Variants in PELI1 observed in about 807,000 individuals in gnomAD.
PELI1 encodes the protein pellino E3 ubiquitin protein ligase 1.
A neutral mutation model predicts 41.3 loss-of-function variants in PELI1; 15 were observed. The observed-to-expected ratio is 0.36, with a 90% confidence interval of 0.24 to 0.56. The LOEUF is 0.56. Among genes scored for constraint, PELI1 ranks in the 20% least tolerant of loss-of-function variants. PELI1 has a pLI of 0.82. For missense variants in PELI1, 403 were observed against 525.5 expected, an observed-to-expected ratio of 0.77 and a Z score of 2.28; for synonymous variants, 178 against 180.1, an observed-to-expected ratio of 0.99 and a Z score of 0.09.
rs545908881 is a variant in PELI1 at position 64,104,512 on chromosome 2, T to A, written c.201+189A>T. The A allele has an allele frequency of 6.7e-5, 55 of 826,396 alleles. No homozygotes were observed. The South Asian group carries it at 1.3e-3, about 19-fold the overall frequency. The allele number at this position is 826,396 out of a possible 1,614,324, so 51.2% of individuals were successfully genotyped here. On this transcript the variant is annotated intron_variant, in intron 3 of 6. Transcript: ENST00000358912. ...TGATCCTGGTTTGTCATTTTTTTTT[T>A]AAAAGTCCAATTCCCCTTCCATATG...
chr2:64,140,967 C>CTACCACAA (rs1172757674), intron 1 of PELI1, among the ~76,000 whole-genome samples: 3 of 152,036 alleles, frequency 2.0e-5, no homozygotes, highest in Non-Finnish European at 4.4e-5. Context: ...CCCTCCCCCA[C>CTACCACAA]TACCACAAGT....
intron 1 of PELI1, among the ~76,000 whole-genome samples, chr2:64,110,928 AAT>A (rs113178570): frequency 2.7e-5 from 4 of 149,380 alleles, no homozygotes; most frequent in Admixed American, 1.3e-4. Flanking sequence ...TCCATTTCAA[AAT>A]ATATATATAT....
intron 2 of PELI1, chr2:64,106,275 C>T (rs1680618021): frequency 6.6e-6 from 1 of 152,168 alleles, no homozygotes; most frequent in Non-Finnish European, 1.5e-5. Context: ...GCAGCAACAG[C>T]ATGAAACCTT....
At chr2:64,136,816 T>C (rs1383791758) in intron 1 of PELI1, among the ~76,000 whole-genome samples, 2 of 152,140 alleles carry the variant, frequency 1.3e-5, no homozygotes, top group African/African-American at 2.4e-5. Flanking sequence ...GGCAGGGGAA[T>C]CACTTGAACT....
At chr2:64,099,917 C>T (rs542767704) in intron 4 of PELI1, among the ~76,000 whole-genome samples, 79 of 152,254 alleles carry the variant, frequency 5.2e-4, no homozygotes, top group African/African-American at 1.8e-3. Context: ...GGTTTGATTT[C>T]ACATAGATAA....
chr2:64,096,741 G>A (rs114989969), intron 4 of PELI1, 131 bp from the exon 5 acceptor site: 457 of 609,842 alleles, frequency 7.5e-4, no homozygotes, highest in African/African-American at 7.3e-3. Flanking sequence ...CATACTTAAC[G>A]CTGGGGGCAT....
intron 1 of PELI1, among the ~76,000 whole-genome samples, chr2:64,113,992 A>C (rs1680907372): frequency 6.6e-6 from 1 of 152,250 alleles, no homozygotes; most frequent in South Asian, 2.1e-4. Context: ...AAGCAAAACA[A>C]ATACTAAGCA....
At position 64,094,542 on chromosome 2, in the gene PELI1, T is replaced by C. The variant is rs558514178; in HGVS notation, c.*160A>G. The stretch of plus-strand genomic sequence containing the variant: ...TCCTTTGCTTGAGTTTCCCAGATTT[T>C]TGCTCAGAAATTGCTACTATTTATT... On this transcript the variant is annotated 3_prime_UTR_variant, in exon 7 of 7. Coordinates refer to ENST00000358912, the MANE Select transcript of PELI1 (RefSeq NM_020651.4). The C allele has an allele frequency of 3.5e-5, 18 of 512,954 alleles. No homozygotes were observed. The East Asian group carries it at 4.8e-4, about 14-fold the overall frequency. The allele number at this position is 512,954 out of a possible 1,614,324, so 31.8% of individuals were successfully genotyped here.
chr2:64,112,735 A>G (rs939261321), intron 1 of PELI1, among the ~76,000 whole-genome samples: 1 of 152,224 alleles, frequency 6.6e-6, no homozygotes, highest in African/African-American at 2.4e-5. Context: ...GACCCAAGAT[A>G]GTTTTCAAAA....
At chr2:64,125,428 C>T (rs1681353807) in intron 1 of PELI1, among the ~76,000 whole-genome samples, 1 of 152,106 alleles carries the variant, frequency 6.6e-6, no homozygotes, top group East Asian at 1.9e-4. Context: ...GGTAGAAAGA[C>T]CAAATAGATT....
At chr2:64,097,335 C>T (rs1046854818) in intron 4 of PELI1, among the ~76,000 whole-genome samples, 1 of 152,146 alleles carries the variant, frequency 6.6e-6, no homozygotes, top group Non-Finnish European at 1.5e-5. Context: ...TCAAAAGGTT[C>T]TGGTGAGAGC....
chr2:64,136,371 G>C (rs1488837345), intron 1 of PELI1, among the ~76,000 whole-genome samples: 1 of 152,018 alleles, frequency 6.6e-6, no homozygotes, highest in Non-Finnish European at 1.5e-5. Context: ...AAGAGAGTCT[G>C]GCTATCTATA....
chr2:64,106,972 G>T (rs1277316608), intron 2 of PELI1, among the ~76,000 whole-genome samples: 1 of 152,140 alleles, frequency 6.6e-6, no homozygotes, highest in African/African-American at 2.4e-5. Flanking sequence ...CTGTTGCCCA[G>T]GTTGGAGTGC....
chr2:64,102,741 A>C (rs1344349804), intron 3 of PELI1, among the ~76,000 whole-genome samples: 2 of 152,156 alleles, frequency 1.3e-5, no homozygotes, highest in African/African-American at 4.8e-5. Flanking sequence ...CAGGGTTTTA[A>C]CTACTCATCC....
At position 64,095,056 on chromosome 2, in the gene PELI1, A is replaced by T; in HGVS notation, c.903T>A (p.Asp301Glu). Reference protein sequence around the residue: ...FPSMKRKDVVDEKQPWVYLNC... With the variant: ...FPSMKRKDVVEEKQPWVYLNC... The stretch of plus-strand genomic sequence containing the variant: ...TTAGATATACCCATGGTTGTTTTTC[A>T]TCTACAACGTCTTTCCTCTTCATAC... The change falls in exon 7 of 7, where the codon GAT becomes GAA. Residue 301 changes from aspartate (D) to glutamate (E), a missense_variant. Coordinates refer to ENST00000358912, the MANE Select transcript of PELI1 (RefSeq NM_020651.4). 1.2e-6 allele frequency: 2 copies of T among 1,614,174 alleles called. No homozygotes were observed. Among genetic ancestry groups the T allele is most frequent in the Non-Finnish European group, 1.7e-6 (2 of 1,180,018 alleles).
At chr2:64,098,128 T>C (rs1242439601) in intron 4 of PELI1, among the ~76,000 whole-genome samples, 1 of 152,072 alleles carries the variant, frequency 6.6e-6, no homozygotes, top group African/African-American at 2.4e-5. Flanking sequence ...ATATTTGTAA[T>C]GACAATGAGA....
chr2:64,141,428 TAATA>T (rs1175230733), intron 1 of PELI1, among the ~76,000 whole-genome samples: 2 of 151,960 alleles, frequency 1.3e-5, no homozygotes, highest in African/African-American at 4.8e-5. Context: ...CTTTCTAACC[TAATA>T]AATACTAGGA....
At chr2:64,143,978 T>TGGCC (rs1682016237) in intron 1 of PELI1, 103 bp downstream of exon 1, 1 of 148,158 alleles carries the variant, frequency 6.7e-6, no homozygotes, top group African/African-American at 2.5e-5. Flanking sequence ...AGCCGGCTGC[T>TGGCC]GGCCGCCGGG....
intron 6 of PELI1, 113 bp from the exon 7 acceptor site, chr2:64,095,381 A>C: frequency 1.5e-6 from 1 of 646,714 alleles, no homozygotes; most frequent in Non-Finnish European, 2.7e-6. Flanking sequence ...TAGGATTTTC[A>C]CTAAATATTC....
Sources: gnomAD v4.1 joint callset for allele counts (sites outside exome capture counted in the v4.1 genomes callset) on GRCh38, gnomAD v4.1.1 for gene constraint, MANE v1.5 for transcripts, NCBI Gene and HGNC (gene_info 2026-07-23, HGNC 2026-07-21) for gene names.